MCF2L: variants seen among roughly 807,000 people sequenced by gnomAD.
The protein encoded by MCF2L is MCF.2 cell line derived transforming sequence like.
In MCF2L, 97 loss-of-function variants were observed where a neutral mutation model predicts 153.4. The observed-to-expected ratio is 0.63, with a 90% CI of 0.54 to 0.75. MCF2L has a LOEUF of 0.75. Among genes scored for constraint, MCF2L ranks in the 30% least tolerant of loss-of-function variants. MCF2L has a pLI of 0.00. For synonymous variants in MCF2L, 659 were observed against 632.2 expected (o/e 1.04, Z -0.64); for missense variants, 1,347 against 1,495.2 (o/e 0.90, Z 1.64).
At chr13:112,999,283 A>G (rs990242944) in intron 1 of MCF2L, among the ~76,000 whole-genome samples, 3 of 151,928 alleles carry the variant, frequency 2.0e-5, no homozygotes, top group Admixed American at 2.0e-4. Flanking sequence ...CCCACCAGAA[A>G]CTTCAGTGTG....
intron 2 of MCF2L, among the ~76,000 whole-genome samples, chr13:112,923,067 C>A (rs73572834): frequency 1.9e-3 from 292 of 152,210 alleles, no homozygotes; most frequent in African/African-American, 6.9e-3. Flanking sequence ...ATGTACAGAA[C>A]AATGGCAAGG....
intron 2 of MCF2L, among the ~76,000 whole-genome samples, chr13:112,931,073 C>T (rs968559381): frequency 6.6e-5 from 10 of 152,224 alleles, no homozygotes; most frequent in Admixed American, 6.5e-4. Context: ...AGCGGTTCAG[C>T]GTGCAGATGA....
rs1159703955 is a variant in MCF2L at position 113,070,983 on chromosome 13, G to GTT, written c.996+812_996+813dup. 6.6e-6 allele frequency among the ~76,000 whole-genome samples: 1 copy of GTT among 152,202 alleles called. No individual in the cohort carries two copies. Among genetic ancestry groups the GTT allele is most frequent in the Non-Finnish European group, 1.5e-5 (1 of 68,040 alleles). On this transcript the variant is annotated intron_variant, in intron 9 of 29. Transcript: ENST00000535094. The surrounding 1 kb of genome is among the most constrained non-coding windows in gnomAD (Gnocchi z 5.6). ...TTGCAGGGTTATATAGTAGTTGCAT[G>GTT]TTTCGTTTAAGAAAATGCCAAACGG...
Position 113,076,111 on chromosome 13 carries a change from A to G in MCF2L, c.1454A>G (p.Asn485Ser), listed in dbSNP as rs1191300008. ...GCGGAAAATAAGATCCAGGAGCTCA[A>G]CGCGATTTACAAGGAATACGAATCC... ...TGAENKIQELNAIYKEYESIL... is the reference protein window; with the variant it reads ...TGAENKIQELSAIYKEYESIL... Residue 485 changes from asparagine (N) to serine (S), a missense_variant, in exon 12 of 30, where the codon AAC becomes AGC. Physicochemically the swap from Asn to Ser is conservative, Grantham distance 46. Around this residue, in one of 3 missense-constraint regions of MCF2L, gnomAD observed 820 missense variants for 921.2 expected, o/e 0.89. Coordinates refer to ENST00000535094, the MANE Select transcript of MCF2L (RefSeq NM_001112732.3). 6.8e-6 allele frequency: 11 copies of G among 1,613,894 alleles called. No homozygotes were observed. The highest frequency in any genetic ancestry group is 9.3e-6 in the Non-Finnish European group (11 of 1,180,014).
At chr13:112,910,453 G>C (rs1214253871) in intron 2 of MCF2L, 1 of 152,228 alleles carries the variant, frequency 6.6e-6, no homozygotes, top group Non-Finnish European at 1.5e-5. Context: ...GTTTGGAAAT[G>C]ATTTAGTTGT....
Position 113,050,187 on chromosome 13 carries a change from TGCGA to T in MCF2L, c.369+4832_369+4835del, listed in dbSNP as rs370156094. On this transcript the variant is annotated intron_variant, in intron 4 of 29. Coordinates refer to ENST00000535094, the MANE Select transcript of MCF2L (RefSeq NM_001112732.3). ...GTGTGAGTGTGTGACTGTGTGTGTG[TGCGA>T]GCGAGTGGGAGTGTAAGTGAATGTG... Among the ~76,000 whole-genome samples the T allele has an allele frequency of 3.1e-4, 47 of 151,766 alleles. No individual in the cohort carries two copies. In the South Asian group the frequency reaches 9.2e-3, roughly 30 times the overall value.
chr13:113,001,591 G>C, intron 1 of MCF2L: 1 of 862,978 alleles, frequency 1.2e-6, no homozygotes, highest in Non-Finnish European at 1.5e-6. Context: ...GCCCCTGCAG[G>C]GAGGGTCTAG....
At chr13:113,026,914 T>C (rs746373100) in intron 3 of MCF2L, 3 of 769,730 alleles carry the variant, frequency 3.9e-6, no homozygotes, top group Non-Finnish European at 4.8e-6. Flanking sequence ...GCAGGCTGAC[T>C]TGGGAGGGGT....
At chr13:112,896,466 G>GCCCCA (rs2081069375) in intron 1 of MCF2L, among the ~76,000 whole-genome samples, 1 of 139,194 alleles carries the variant, frequency 7.2e-6, no homozygotes, top group African/African-American at 3.4e-5. Flanking sequence ...GGCCCCCCCT[G>GCCCCA]TCTTTACAGC....
rs2081180221 is a variant in MCF2L at position 112,907,071 on chromosome 13, G to C, written c.169+4700G>C. 6.6e-6 allele frequency among the ~76,000 whole-genome samples: 1 copy of C among 152,162 alleles called. No homozygotes were observed. The highest frequency in any genetic ancestry group is 2.4e-5 in the African/African-American group (1 of 41,434). ...CTGTTTCTATGTCAGAAGCCTTGGA[G>C]CATGGATGATTCCATGGCTGGACCT... On this transcript the variant is annotated intron_variant, in intron 2 of 29. Transcript: ENST00000375608. This position sits in a 1 kb window ranked among gnomAD's most constrained non-coding sequence, Gnocchi z 5.1.
chr13:113,047,079 C>CGA (rs2086865403), intron 4 of MCF2L: 1 of 158,456 alleles, frequency 6.3e-6, no homozygotes, highest in Non-Finnish European at 1.4e-5. Flanking sequence ...AGAGAGGGAG[C>CGA]GAGAGAGAAG....
At chr13:112,920,992 C>T (rs2081346714) in intron 2 of MCF2L, among the ~76,000 whole-genome samples, 1 of 146,696 alleles carries the variant, frequency 6.8e-6, no homozygotes. Flanking sequence ...ATGGTGAAAC[C>T]TCATCTCTAC....
At chr13:112,971,663 G>A (rs2140827704) in intron 1 of MCF2L, among the ~76,000 whole-genome samples, 1 of 152,306 alleles carries the variant, frequency 6.6e-6, no homozygotes, top group Middle Eastern at 3.4e-3. Flanking sequence ...ATGTAAAGGA[G>A]GATAATGTGT....
At chr13:113,039,144 C>A (rs1317111824) in intron 3 of MCF2L, among the ~76,000 whole-genome samples, 14 of 152,186 alleles carry the variant, frequency 9.2e-5, no homozygotes, top group African/African-American at 3.4e-4. Context: ...TAGGCGTGAG[C>A]CACCGCGCCC....
At chr13:112,912,764 G>A (rs1415419573) in intron 2 of MCF2L, among the ~76,000 whole-genome samples, 1 of 151,552 alleles carries the variant, frequency 6.6e-6, no homozygotes, top group Non-Finnish European at 1.5e-5. Context: ...GGCTGTGTGT[G>A]TGTCACATGT....
At chr13:113,091,261 T>G in intron 26 of MCF2L, 29 of 1,285,208 alleles carry the variant, frequency 2.3e-5, no homozygotes, top group Non-Finnish European at 3.0e-5. Flanking sequence ...CAGCTGGCTG[T>G]CAGGTGGCCG....
In MCF2L at chr13:113,045,415, A is replaced by G; in HGVS notation, c.369+54A>G. The G allele has an allele frequency of 7.3e-7, 1 of 1,374,642 alleles. No homozygotes were observed. Among genetic ancestry groups the G allele is most frequent in the Non-Finnish European group, 1.0e-6 (1 of 964,344 alleles). The allele number at this position is 1,374,642 out of a possible 1,614,324, so 85.2% of individuals were successfully genotyped here. A position where few individuals can be genotyped will look rare whatever the true frequency, so the allele number is the denominator to read the frequency against. ...GCCCGGCCCCTCCCTGGGCTGCATG[A>G]CCGCATGGTGCCCTTCCTCTGTGTC... On this transcript the variant is annotated intron_variant, in intron 4 of 29. Coordinates refer to ENST00000535094, the MANE Select transcript of MCF2L (RefSeq NM_001112732.3). The surrounding 1 kb of genome is among the most constrained non-coding windows in gnomAD (Gnocchi z 4.2).
chr13:112,996,915 C>T (rs1360792043), intron 1 of MCF2L, among the ~76,000 whole-genome samples: 2 of 152,246 alleles, frequency 1.3e-5, no homozygotes, highest in East Asian at 3.8e-4. Context: ...CCCCATGAAA[C>T]TCCTGCACAG....
intron 1 of MCF2L, among the ~76,000 whole-genome samples, chr13:112,895,254 C>A (rs1211040019): frequency 6.6e-6 from 1 of 152,148 alleles, no homozygotes; most frequent in African/African-American, 2.4e-5. Context: ...GAGACTCCCG[C>A]CCAGGGGCGT....
Sources: allele counts gnomAD v4.1 joint callset (sites outside exome capture counted in the v4.1 genomes callset), GRCh38; gene constraint gnomAD v4.1.1; regional missense constraint gnomAD v4.1.1; non-coding constraint Gnocchi (gnomAD v3.1); transcripts MANE v1.5; gene names NCBI Gene and HGNC (gene_info 2026-07-23, HGNC 2026-07-21).